Variants in SCOC observed in about 807,000 individuals in gnomAD.
SCOC encodes short coiled coil protein.
In SCOC, 7 loss-of-function variants were observed where a neutral mutation model predicts 9.9. The ratio of observed to expected loss-of-function variants is 0.71; its 90% confidence interval spans 0.40 to 1.33. SCOC has a LOEUF of 1.33. Ranked by LOEUF, SCOC falls within the 40% of genes most tolerant of loss-of-function variation. SCOC has a pLI of 0.01. For missense variants in SCOC, 66 were observed against 89.7 expected, an observed-to-expected ratio of 0.74 and a Z score of 1.07; for synonymous variants, 19 against 28.2, an observed-to-expected ratio of 0.67 and a Z score of 1.03.
chr4:140,326,678 C>T (rs1732658855), intron 1 of SCOC, among the ~76,000 whole-genome samples: 1 of 152,154 alleles, frequency 6.6e-6, no homozygotes, highest in Non-Finnish European at 1.5e-5. Flanking sequence ...GAAAACAAAC[C>T]TCCCGTGGAC....
intron 1 of SCOC, among the ~76,000 whole-genome samples, chr4:140,281,839 G>T (rs534653664): frequency 8.5e-5 from 13 of 152,294 alleles, no homozygotes; most frequent in African/African-American, 3.1e-4. Flanking sequence ...AGGGGGCGAG[G>T]GGGGACCCTA....
chr4:140,311,200 C>A (rs1732145944), intron 1 of SCOC, among the ~76,000 whole-genome samples: 1 of 152,178 alleles, frequency 6.6e-6, no homozygotes. Context: ...TGTGCCACTA[C>A]ACTCTAGCCT....
chr4:140,379,621 T>C lies in SCOC; in HGVS notation c.75T>C (p.Asn25=). Reference sequence around the variant, plus strand: ...TGGAGGAAAAAACAAGACTTATTAATCAAGTGTTGGAACTCCAACACACAC... The same window carrying C: ...TGGAGGAAAAAACAAGACTTATTAACCAAGTGTTGGAACTCCAACACACAC... The part of the protein sequence containing the change: ...VELEEKTRLI[N]QVLELQHTLE... Residue 25 remains asparagine, a synonymous_variant, in exon 3 of 4, where the codon AAT becomes AAC. Coordinates refer to ENST00000608372, the MANE Select transcript of SCOC (RefSeq NM_001153484.2). 6.2e-7 allele frequency: 1 copy of C among 1,612,892 alleles called. No individual in the cohort carries two copies. Among genetic ancestry groups the C allele is most frequent in the Non-Finnish European group, 8.5e-7 (1 of 1,179,636 alleles).
rs1728616680 is a variant in SCOC, at chr4:140,382,927, T to C, written c.*1823T>C. On this transcript the variant is annotated 3_prime_UTR_variant, in exon 4 of 4. Transcript: ENST00000608372. Reference sequence around the variant, plus strand: ...CAGCATTGCAGGCTAGCAGCCCTTGTTCAAACAGTTATTCAGGGACTTTGG... The same window carrying C: ...CAGCATTGCAGGCTAGCAGCCCTTGCTCAAACAGTTATTCAGGGACTTTGG... The C allele has an allele frequency of 6.6e-6, 1 of 152,214 alleles. No homozygotes were observed. The allele number at this position is 152,214 out of a possible 1,614,324, so 9.4% of individuals were successfully genotyped here.
chr4:140,314,776 G>C (rs1732262752), intron 1 of SCOC, among the ~76,000 whole-genome samples: 1 of 152,186 alleles, frequency 6.6e-6, no homozygotes, highest in African/African-American at 2.4e-5. Context: ...GGGGAGCAAT[G>C]AGAAGTTGGC....
chr4:140,277,083 A>G (rs1731001600), intron 1 of SCOC, among the ~76,000 whole-genome samples: 2 of 152,196 alleles, frequency 1.3e-5, no homozygotes, highest in Admixed American at 1.3e-4. Flanking sequence ...ATTTAATTTA[A>G]AAAAATTATA....
At chr4:140,265,699 T>C (rs1039126335) in intron 1 of SCOC, among the ~76,000 whole-genome samples, 1 of 152,246 alleles carries the variant, frequency 6.6e-6, no homozygotes, top group African/African-American at 2.4e-5. Context: ...TTTACTTCCA[T>C]GTAGGCTATA....
chr4:140,366,142 G>C (rs1727781966), intron 2 of SCOC: 2 of 464,278 alleles, frequency 4.3e-6, no homozygotes, highest in Admixed American at 4.0e-5. Flanking sequence ...TAGCATTTTA[G>C]AGCCTTGCTT....
intron 2 of SCOC, chr4:140,366,895 G>A (rs567692271): frequency 3.0e-6 from 2 of 673,370 alleles, no homozygotes; most frequent in East Asian, 2.6e-5. Flanking sequence ...AGAAGGCCAG[G>A]TGCATTCTTT....
At chr4:140,362,301 T>TCTTCTTCTTC in intron 2 of SCOC, among the ~76,000 whole-genome samples, 9 of 29,406 alleles carry the variant, frequency 3.1e-4, no homozygotes, top group Admixed American at 4.0e-4. Context: ...TTCTTCTTCT[T>TCTTCTTCTTC]TTTTTTTTTT....
intron 1 of SCOC, among the ~76,000 whole-genome samples, chr4:140,304,398 G>T (rs1469596967): frequency 1.3e-5 from 2 of 152,068 alleles, no homozygotes; most frequent in African/African-American, 4.8e-5. Context: ...TATCCTGGTA[G>T]GACTTTCCTG....
upstream of SCOC, chr4:140,369,500 A>G (rs1475032655): frequency 3.8e-6 from 1 of 263,228 alleles, no homozygotes; most frequent in Non-Finnish European, 7.8e-6. Flanking sequence ...CATTTAGCAT[A>G]TTTCACCTTA....
intron 2 of SCOC, among the ~76,000 whole-genome samples, chr4:140,367,138 C>A (rs1379043188): frequency 6.6e-6 from 1 of 151,830 alleles, no homozygotes; most frequent in South Asian, 2.1e-4. Flanking sequence ...CTGGGAGGTG[C>A]AGGTTGCAGT....
upstream of SCOC, among the ~76,000 whole-genome samples, chr4:140,370,199 G>C (rs1007392916): frequency 2.6e-5 from 4 of 152,018 alleles, no homozygotes; most frequent in Admixed American, 1.3e-4. Flanking sequence ...CTGATTTCTA[G>C]TTTAATTTGT....
chr4:140,346,411 C>T (rs1443783607), intron 2 of SCOC, among the ~76,000 whole-genome samples: 1 of 152,142 alleles, frequency 6.6e-6, no homozygotes, highest in Admixed American at 6.5e-5. Context: ...GAGTCCCCGG[C>T]ACTGATCCCT....
In SCOC at chr4:140,385,649, T is replaced by C. The variant is rs1728670152; in HGVS notation, c.*4545T>C. 6.6e-6 allele frequency: 1 copy of C among 152,200 alleles called. No homozygotes were observed. Among genetic ancestry groups the C allele is most frequent in the Non-Finnish European group, 1.5e-5 (1 of 68,032 alleles). The allele number at this position is 152,200 out of a possible 1,614,324, so 9.4% of individuals were successfully genotyped here. A position where few individuals can be genotyped will look rare whatever the true frequency, so the allele number is the denominator to read the frequency against. On this transcript the variant is annotated 3_prime_UTR_variant, in exon 4 of 4. Coordinates refer to ENST00000608372, the MANE Select transcript of SCOC (RefSeq NM_001153484.2). The stretch of plus-strand genomic sequence containing the variant: ...ATAAAATCTAAAATTAATTTTGTGG[T>C]CCAAAGAAAAGCAAAATAGATCTTT...
chr4:140,263,922 G>A (rs1041192128), intron 1 of SCOC, among the ~76,000 whole-genome samples: 4 of 152,176 alleles, frequency 2.6e-5, no homozygotes, highest in African/African-American at 4.8e-5. Flanking sequence ...TTTTCATCTT[G>A]TCAGAACCTA....
At chr4:140,293,383 C>T (rs1731534429) in intron 1 of SCOC, 1 of 456,712 alleles carries the variant, frequency 2.2e-6, no homozygotes, top group Non-Finnish European at 4.4e-6. Flanking sequence ...GCAGGGCACG[C>T]CAAGACAGGA....
intron 1 of SCOC, among the ~76,000 whole-genome samples, chr4:140,287,917 T>C (rs560469453): frequency 1.7e-4 from 26 of 151,960 alleles, no homozygotes; most frequent in African/African-American, 4.6e-4. Flanking sequence ...TATGTGCACA[T>C]ACTACCTGCA....
Sources: gnomAD v4.1 joint callset for allele counts (sites outside exome capture counted in the v4.1 genomes callset) on GRCh38, gnomAD v4.1.1 for gene constraint, MANE v1.5 for transcripts, NCBI Gene and HGNC (gene_info 2026-07-23, HGNC 2026-07-21) for gene names.